Variants in TRRAP observed in about 807,000 individuals in gnomAD.
TRRAP encodes transformation/transcription domain-associated protein.
Under a neutral mutation model 438.8 loss-of-function variants are expected in TRRAP, and 41 were observed. The observed-to-expected ratio is 0.09, with a 90% CI of 0.07 to 0.12. TRRAP has a LOEUF of 0.12. Ranked by LOEUF, TRRAP falls within the 10% of genes least tolerant of loss-of-function variation. The pLI, the probability that TRRAP is intolerant of heterozygous loss-of-function variation, is 1.00. For missense variants in TRRAP, 3,122 were observed against 5,055.1 expected, an observed-to-expected ratio of 0.62 and a Z score of 11.60; for synonymous variants, 1,994 against 1,962.9, an observed-to-expected ratio of 1.02 and a Z score of -0.42.
In TRRAP at chr7:98,981,969, G is replaced by A. The variant is rs372255896; in HGVS notation, c.8826+9G>A. The stretch of plus-strand genomic sequence containing the variant: ...ACACGCCTCTCCTACAGGTGCGTGC[G>A]GTGCCCCCATGCGAGCACAGGCCTG... On this transcript the variant is annotated intron_variant, in intron 59 of 72. Coordinates refer to ENST00000456197, the MANE Select transcript of TRRAP (RefSeq NM_001375524.1). 53 of 1,566,880 alleles carry A rather than the reference G, an allele frequency of 3.4e-5. No individual in the cohort carries two copies. Among genetic ancestry groups the A allele is most frequent in the East Asian group, 3.3e-4 (14 of 43,052 alleles).
chr7:98,950,608 T>C (rs1481270525), intron 38 of TRRAP, among the ~76,000 whole-genome samples: 2 of 152,178 alleles, frequency 1.3e-5, no homozygotes, highest in East Asian at 3.8e-4. Context: ...AGTGACCCAG[T>C]GTTGAAGGGT....
At position 98,921,765 on chromosome 7, in the gene TRRAP, A is replaced by G; in HGVS notation, c.2635A>G (p.Thr879Ala). Residue 879 changes from threonine (T) to alanine (A), a missense_variant, in exon 21 of 73, where the codon ACC becomes GCC. Physicochemically the swap from Thr to Ala is moderately conservative, Grantham distance 58. Coordinates refer to ENST00000456197, the MANE Select transcript of TRRAP (RefSeq NM_001375524.1). ...RAELMQALWR[T>A]LRNPADSISH... is the part of the protein sequence containing the mutation. ...CGCTGATTTTCAGGCTCTGTGGCGC[A>G]CCTTACGCAACCCTGCTGACAGCAT... The G allele has an allele frequency of 6.2e-7, 1 of 1,614,096 alleles. No homozygotes were observed. The highest frequency in any genetic ancestry group is 8.5e-7 in the Non-Finnish European group (1 of 1,180,016).
intron 53 of TRRAP, among the ~76,000 whole-genome samples, chr7:98,972,212 G>T (rs2116712328): frequency 6.6e-6 from 1 of 152,164 alleles, no homozygotes; most frequent in South Asian, 2.1e-4. Context: ...CAGCTAATTT[G>T]TTAATTTTTT....
intron 27 of TRRAP, among the ~76,000 whole-genome samples, chr7:98,934,833 C>T (rs1480818689): frequency 6.6e-6 from 1 of 152,150 alleles, no homozygotes. Context: ...AAGGCCCTAG[C>T]AACAGTGGTT....
chr7:98,880,568 A>G (rs1042537259), intron 1 of TRRAP, among the ~76,000 whole-genome samples: 7 of 152,112 alleles, frequency 4.6e-5, no homozygotes, highest in Admixed American at 2.0e-4. Context: ...GGCCTGCTGC[A>G]TGATTTTATA....
chr7:98,981,806 T>C lies in TRRAP; in HGVS notation c.8672T>C (p.Val2891Ala). Reference protein sequence around the residue: ...VSCPKEMAWKVNMYRGYLAIC... With the variant: ...VSCPKEMAWKANMYRGYLAIC... ...TGTCCGAAGGAGATGGCCTGGAAGG[T>C]GAACATGTACCGCGGATACCTGGCC... is the stretch of plus-strand genomic sequence containing the variant. The change falls in exon 59 of 73, where the codon GTG (valine) becomes GCG (alanine). Residue 2891 changes from valine to alanine, a missense_variant. Val to Ala is a moderately conservative substitution (Grantham distance 64). This residue lies in a region of TRRAP where 992 missense variants were observed against 1,281.2 expected (regional missense o/e 0.77). Coordinates refer to ENST00000456197, the MANE Select transcript of TRRAP (RefSeq NM_001375524.1). 1 of 1,606,280 alleles carries C rather than the reference T, an allele frequency of 6.2e-7. No homozygotes were observed. The highest frequency in any genetic ancestry group is 8.5e-7 in the Non-Finnish European group (1 of 1,176,794).
Position 98,890,397 on chromosome 7 carries a change from A to G in TRRAP, c.213A>G (p.Thr71=). Residue 71 remains threonine (T), a synonymous_variant, in exon 4 of 73, where the codon ACA becomes ACG. Transcript: ENST00000456197. The part of the protein sequence containing the change: ...FLEHIIPRFL[T]FLQDGEVQFL... ...AACATATCATCCCTCGATTCCTTAC[A>G]TTTCTCCAAGATGGAGAAGTTCAGT... 1 of 1,606,062 alleles carries G rather than the reference A, an allele frequency of 6.2e-7. No individual in the cohort carries two copies. Among genetic ancestry groups the G allele is most frequent in the East Asian group, 2.3e-5 (1 of 44,444 alleles).
Position 98,950,748 on chromosome 7 carries a change from G to A in TRRAP, c.5335-128G>A, listed in dbSNP as rs564516685. 255 of 1,146,464 alleles carry A rather than the reference G, an allele frequency of 2.2e-4. 1 individual carries two copies. The Middle Eastern group carries it at 2.9e-3, about 13-fold the overall frequency. The allele number at this position is 1,146,464 out of a possible 1,614,324, so 71.0% of individuals were successfully genotyped here. A position where few individuals can be genotyped will look rare whatever the true frequency, so the allele number is the denominator to read the frequency against. On this transcript the variant is annotated intron_variant, in intron 38 of 72. Transcript: ENST00000456197. ...GCTCTTTGCATAGGAGTCAAGGTTGGTAGTCACACCCTGGGTTGAGTTCCA... is the reference window on the plus strand; with the variant it reads ...GCTCTTTGCATAGGAGTCAAGGTTGATAGTCACACCCTGGGTTGAGTTCCA...
At chr7:98,947,815 C>A (rs1367619364) in intron 33 of TRRAP, among the ~76,000 whole-genome samples, 5 of 152,138 alleles carry the variant, frequency 3.3e-5, no homozygotes, top group Non-Finnish European at 7.4e-5. Flanking sequence ...GTTGAGAGGA[C>A]CTCGTGATAC....
At chr7:98,919,959 T>C (rs1789705577) in intron 20 of TRRAP, among the ~76,000 whole-genome samples, 1 of 152,176 alleles carries the variant, frequency 6.6e-6, no homozygotes, top group Non-Finnish European at 1.5e-5. Context: ...TGCCCCCTCC[T>C]GAGGACACCC....
chr7:98,937,513 C>A, intron 29 of TRRAP, 137 bp from the exon 30 acceptor site: 2 of 1,140,218 alleles, frequency 1.8e-6, no homozygotes, highest in Non-Finnish European at 2.4e-6. Context: ...TCATAAATTT[C>A]TGAAATAGTA....
At chr7:98,933,514 C>G in intron 27 of TRRAP, 112 bp downstream of exon 27, 1 of 1,424,004 alleles carries the variant, frequency 7.0e-7, no homozygotes, top group Non-Finnish European at 9.3e-7. Context: ...CGGGCGGGGA[C>G]CTGCAGGTAA....
chr7:98,971,678 A>G (rs779409660), intron 52 of TRRAP, 121 bp from the exon 53 acceptor site: 67 of 1,183,168 alleles, frequency 5.7e-5, no homozygotes, highest in Non-Finnish European at 7.3e-5. Context: ...ATACTTACAC[A>G]CTTCCAGGAA....
chr7:98,938,205 C>T (rs781877650), intron 30 of TRRAP, among the ~76,000 whole-genome samples: 13 of 152,046 alleles, frequency 8.6e-5, no homozygotes, highest in Non-Finnish European at 1.8e-4. Flanking sequence ...CTTAGTGGCA[C>T]GTGCCTGTGG....
intron 23 of TRRAP, among the ~76,000 whole-genome samples, chr7:98,928,169 C>T (rs781860517): frequency 1.3e-5 from 2 of 151,788 alleles, no homozygotes; most frequent in South Asian, 4.1e-4. Context: ...ACCTGGGAGG[C>T]GGAGGTTGTG....
intron 46 of TRRAP, among the ~76,000 whole-genome samples, chr7:98,961,843 C>T (rs916251363): frequency 2.2e-4 from 34 of 152,136 alleles, no homozygotes; most frequent in South Asian, 8.3e-4. Flanking sequence ...CGCTTGAACC[C>T]AGGAGGCCAG....
At position 98,892,483 on chromosome 7, in the gene TRRAP, T is replaced by A. The variant is rs1796020182; in HGVS notation, c.321T>A (p.Arg107=). ...IHRIPTNEHL[R]PHTKNVLSVM... ...GAATACCAACCAACGAACATCTTCG[T>A]CCTCACACAAAAAATGTTTTGTCTG... Residue 107 remains arginine (R), a synonymous_variant, in exon 5 of 73, where the codon CGT becomes CGA. Transcript: ENST00000456197. 1.2e-6 allele frequency: 2 copies of A among 1,611,668 alleles called. No homozygotes were observed. The highest frequency in any genetic ancestry group is 1.7e-6 in the Non-Finnish European group (2 of 1,179,504).
At chr7:98,992,696 G>A (rs1396018272) in intron 65 of TRRAP, among the ~76,000 whole-genome samples, 2 of 152,130 alleles carry the variant, frequency 1.3e-5, no homozygotes, top group Non-Finnish European at 2.9e-5. Flanking sequence ...AATCTATATT[G>A]AATAGCCCTT....
intron 61 of TRRAP, 69 bp from the exon 62 acceptor site, chr7:98,984,875 T>C: frequency 9.9e-7 from 1 of 1,007,890 alleles, no homozygotes; most frequent in East Asian, 2.4e-5. Context: ...CCTAGATTAG[T>C]ATTTTATGAG....
Sources: allele counts gnomAD v4.1 joint callset (sites outside exome capture counted in the v4.1 genomes callset), GRCh38; gene constraint gnomAD v4.1.1; regional missense constraint gnomAD v4.1.1; transcripts MANE v1.5; gene names NCBI Gene and HGNC (gene_info 2026-07-23, HGNC 2026-07-21).